SCD5: variants seen among roughly 807,000 people sequenced by gnomAD.
SCD5 encodes stearoyl-CoA desaturase 5.
A neutral mutation model predicts 30.4 loss-of-function variants in SCD5; 20 were observed. The observed-to-expected ratio is 0.66, with a 90% confidence interval of 0.46 to 0.96. SCD5 has a LOEUF of 0.96. Among genes scored for constraint, SCD5 ranks in the 40% least tolerant of loss-of-function variants. SCD5 has a pLI of 0.00. For synonymous variants in SCD5, 173 were observed against 176.4 expected (o/e 0.98, Z 0.16); for missense variants, 381 against 443.3 (o/e 0.86, Z 1.26).
rs182620241 is a variant in SCD5 at position 82,645,612 on chromosome 4, G to A, written c.570-8789C>T. Among the ~76,000 whole-genome samples, 517 of 152,234 alleles carry A rather than the reference G, an allele frequency of 3.4e-3. 2 individuals carry two copies. The highest frequency in any genetic ancestry group is 4.4e-3 in the Non-Finnish European group (296 of 68,020). On this transcript the variant is annotated intron_variant, in intron 3 of 4. Transcript: ENST00000319540. ...GCACCAATACCACAATTGGGAAGAC[G>A]TTCCTCAGCATTTAATTCTGGACAA...
chr4:82,711,629 C>G (rs1720088595), intron 1 of SCD5, among the ~76,000 whole-genome samples: 1 of 151,966 alleles, frequency 6.6e-6, no homozygotes. Context: ...TCACTTAAGC[C>G]CAGGAGGTGG....
intron 1 of SCD5, among the ~76,000 whole-genome samples, chr4:82,765,741 T>A (rs1721471888): frequency 6.6e-6 from 1 of 152,048 alleles, no homozygotes. Flanking sequence ...CTCAGCCTCC[T>A]GAGTAGCTGG....
intron 3 of SCD5, among the ~76,000 whole-genome samples, chr4:82,650,640 G>A (rs1727732464): frequency 6.6e-6 from 1 of 151,692 alleles, no homozygotes; most frequent in Admixed American, 6.6e-5. Flanking sequence ...AGGCTACAGT[G>A]AGCCATGAGT....
In SCD5 at chr4:82,631,334, C is replaced by T. The variant is rs894655907; in HGVS notation, c.986G>A (p.Ser329Asn). The part of the protein sequence containing the change: ...EARKARTGDS[S>N]A ...GGGATGGCTGTTCCAAGTTCAAGCA[C>T]TGCTGTCTCCAGTCCTGGCCTTCCG... The change falls in exon 5 of 5, where the codon AGT (serine) becomes AAT (asparagine). Residue 329 changes from serine (S) to asparagine (N), a missense_variant. By Grantham distance (46) the Ser-to-Asn change is conservative (BLOSUM62 1). Coordinates refer to ENST00000319540, the MANE Select transcript of SCD5 (RefSeq NM_001037582.3). The T allele has an allele frequency of 1.9e-6, 3 of 1,613,286 alleles. No individual in the cohort carries two copies. In the African/African-American group the frequency reaches 4.0e-5, roughly 22 times the overall value.
intron 2 of SCD5, among the ~76,000 whole-genome samples, chr4:82,698,785 G>A (rs909837250): frequency 1.3e-5 from 2 of 152,158 alleles, no homozygotes; most frequent in Admixed American, 1.3e-4. Flanking sequence ...CCTCAGCAAG[G>A]TCTTCTCTGA....
At chr4:82,789,037 C>G (rs1019987514) in intron 1 of SCD5, among the ~76,000 whole-genome samples, 1 of 152,182 alleles carries the variant, frequency 6.6e-6, no homozygotes, top group Non-Finnish European at 1.5e-5. Context: ...CAAAAGCATC[C>G]TAATACAATT....
chr4:82,745,285 G>C (rs954368332), intron 1 of SCD5, among the ~76,000 whole-genome samples: 2 of 152,196 alleles, frequency 1.3e-5, no homozygotes, highest in Non-Finnish European at 2.9e-5. Context: ...CTAAACCAGA[G>C]AGATGGTTTT....
At chr4:82,678,524 C>T (rs1427392678) in intron 3 of SCD5, among the ~76,000 whole-genome samples, 2 of 152,066 alleles carry the variant, frequency 1.3e-5, no homozygotes, top group Non-Finnish European at 2.9e-5. Context: ...CTGATTGTCC[C>T]AAAGTATTAT....
At chr4:82,746,831 GC>G (rs1720993729) in intron 1 of SCD5, among the ~76,000 whole-genome samples, 1 of 152,110 alleles carries the variant, frequency 6.6e-6, no homozygotes, top group Admixed American at 6.5e-5. Flanking sequence ...ATGGACCCAA[GC>G]GAGAATAGGC....
intron 3 of SCD5, among the ~76,000 whole-genome samples, chr4:82,645,043 G>A (rs1157864313): frequency 2.0e-5 from 3 of 152,238 alleles, no homozygotes; most frequent in African/African-American, 7.2e-5. Flanking sequence ...CCAGGCACCG[G>A]TGGCTCACAC....
chr4:82,731,069 G>GT (rs1047980506), intron 1 of SCD5, among the ~76,000 whole-genome samples: 4 of 152,058 alleles, frequency 2.6e-5, no homozygotes, highest in Non-Finnish European at 5.9e-5. Flanking sequence ...TGATATTTTA[G>GT]TTTTTTTCAA....
At chr4:82,732,647 C>G (rs888711165) in intron 1 of SCD5, among the ~76,000 whole-genome samples, 2 of 152,092 alleles carry the variant, frequency 1.3e-5, no homozygotes, top group East Asian at 3.8e-4. Context: ...GTAGAATAAG[C>G]GGGTTGGGTA....
chr4:82,752,650 C>T (rs1721129031), intron 1 of SCD5, among the ~76,000 whole-genome samples: 1 of 152,170 alleles, frequency 6.6e-6, no homozygotes, highest in South Asian at 2.1e-4. Flanking sequence ...CCTGTCCCCT[C>T]ACCAAAACTG....
intron 2 of SCD5, among the ~76,000 whole-genome samples, chr4:82,692,931 C>T (rs971418625): frequency 3.9e-5 from 6 of 152,152 alleles, no homozygotes; most frequent in Non-Finnish European, 5.9e-5. Context: ...GTAGGATCCA[C>T]GAGCCAGGGG....
chr4:82,639,421 G>A (rs1489500831), intron 3 of SCD5, among the ~76,000 whole-genome samples: 5 of 152,352 alleles, frequency 3.3e-5, no homozygotes, highest in South Asian at 2.1e-4. Context: ...CAGTGGATCC[G>A]ATGGGGCGTT....
chr4:82,774,038 A>G (rs1196387731), intron 1 of SCD5, among the ~76,000 whole-genome samples: 2 of 151,714 alleles, frequency 1.3e-5, no homozygotes, highest in South Asian at 2.1e-4. Context: ...GCAGTGATCC[A>G]AGATCATGCC....
At chr4:82,793,417 G>C (rs1722140021) in intron 1 of SCD5, among the ~76,000 whole-genome samples, 1 of 152,206 alleles carries the variant, frequency 6.6e-6, no homozygotes, top group South Asian at 2.1e-4. Flanking sequence ...GAATGAAAGA[G>C]AAGGGCATGA....
intron 3 of SCD5, among the ~76,000 whole-genome samples, chr4:82,646,975 A>G (rs1052612245): frequency 2.6e-5 from 4 of 152,280 alleles, no homozygotes; most frequent in Non-Finnish European, 2.9e-5. Context: ...GGCATGCACC[A>G]CCATGCCCAG....
chr4:82,739,486 C>T (rs889280759), intron 1 of SCD5, among the ~76,000 whole-genome samples: 1 of 152,242 alleles, frequency 6.6e-6, no homozygotes, highest in Non-Finnish European at 1.5e-5. Context: ...CTGCCGGTGG[C>T]CTCCCCGCAC....
Sources: allele counts gnomAD v4.1 joint callset (sites outside exome capture counted in the v4.1 genomes callset), GRCh38; gene constraint gnomAD v4.1.1; transcripts MANE v1.5; gene names NCBI Gene and HGNC (gene_info 2026-07-23, HGNC 2026-07-21).